ATP8A1: variants seen among roughly 807,000 people sequenced by gnomAD.
ATP8A1 encodes the protein phospholipid-transporting ATPase IA.
ATP8A1 carries 90 observed loss-of-function variants against 177.7 expected under a neutral mutation model. That is an observed-to-expected ratio of 0.51 (90% CI 0.43 to 0.60). ATP8A1 has a LOEUF of 0.60. Ranked by LOEUF, ATP8A1 falls within the 20% of genes least tolerant of loss-of-function variation. The pLI, the probability that ATP8A1 is intolerant of heterozygous loss-of-function variation, is 0.00. For synonymous variants in ATP8A1, 493 were observed against 485.9 expected (o/e 1.01, Z -0.19); for missense variants, 1,072 against 1,392.8 (o/e 0.77, Z 3.67).
chr4:42,462,811 G>A (rs889740743), intron 27 of ATP8A1, among the ~76,000 whole-genome samples: 9 of 152,184 alleles, frequency 5.9e-5, no homozygotes, highest in Non-Finnish European at 8.8e-5. Flanking sequence ...GTAAAGCCAC[G>A]GGGCAGAGCG....
chr4:42,574,828 A>AT, intron 13 of ATP8A1, 121 bp from the exon 14 acceptor site: 1 of 633,608 alleles, frequency 1.6e-6, no homozygotes, highest in Non-Finnish European at 2.7e-6. Context: ...CTAAGGAACT[A>AT]TTTTCTGCCC....
chr4:42,517,358 A>G (rs1476411885), intron 22 of ATP8A1, among the ~76,000 whole-genome samples: 1 of 152,122 alleles, frequency 6.6e-6, no homozygotes, highest in African/African-American at 2.4e-5. Flanking sequence ...TGGTTTCCCA[A>G]TCTAAAATTA....
At chr4:42,433,692 C>G (rs1031449092) in intron 33 of ATP8A1, among the ~76,000 whole-genome samples, 2 of 152,054 alleles carry the variant, frequency 1.3e-5, no homozygotes, top group African/African-American at 4.8e-5. Context: ...AAATTAGATA[C>G]CAGCTCACAG....
intron 4 of ATP8A1, among the ~76,000 whole-genome samples, chr4:42,623,211 T>C (rs1737677296): frequency 6.6e-6 from 1 of 151,938 alleles, no homozygotes; most frequent in Admixed American, 6.6e-5. Flanking sequence ...GCTGGCAAGG[T>C]TGTAGAGAAA....
At chr4:42,479,936 T>G (rs1415997139) in intron 25 of ATP8A1, among the ~76,000 whole-genome samples, 1 of 151,632 alleles carries the variant, frequency 6.6e-6, no homozygotes, top group African/African-American at 2.4e-5. Flanking sequence ...CATTTATACT[T>G]TATGTACTCT....
At chr4:42,503,373 C>A in intron 24 of ATP8A1, 77 bp downstream of exon 24, 1 of 843,304 alleles carries the variant, frequency 1.2e-6, no homozygotes, top group South Asian at 1.8e-5. Context: ...AAAATATTTC[C>A]ATAGCTATCT....
At chr4:42,473,623 GT>G (rs146047347) in intron 25 of ATP8A1, among the ~76,000 whole-genome samples, 1 of 151,230 alleles carries the variant, frequency 6.6e-6, no homozygotes, top group African/African-American at 2.4e-5. Flanking sequence ...AAGGGATAAA[GT>G]TTTTTTATTT....
intron 24 of ATP8A1, among the ~76,000 whole-genome samples, chr4:42,498,317 AG>A (rs755512355): frequency 8.5e-5 from 13 of 152,246 alleles, no homozygotes; most frequent in Non-Finnish European, 1.3e-4. Context: ...TGAGCTTAAA[AG>A]GGTACAGATG....
At chr4:42,565,740 A>G (rs1258858632) in intron 15 of ATP8A1, among the ~76,000 whole-genome samples, 1 of 152,244 alleles carries the variant, frequency 6.6e-6, no homozygotes, top group African/African-American at 2.4e-5. Context: ...AAGCAGGTGG[A>G]TCAGTACATC....
At chr4:42,575,504 T>A in intron 13 of ATP8A1, 118 bp downstream of exon 13, 1 of 772,794 alleles carries the variant, frequency 1.3e-6, no homozygotes, top group East Asian at 2.6e-5. Flanking sequence ...ACAAATATAT[T>A]ATTCAAATAG....
intron 15 of ATP8A1, among the ~76,000 whole-genome samples, chr4:42,558,927 C>T (rs1026600632): frequency 7.2e-5 from 11 of 152,236 alleles, no homozygotes; most frequent in African/African-American, 2.7e-4. Context: ...GTAATCCCAG[C>T]ACTTTCGGGA....
intron 25 of ATP8A1, among the ~76,000 whole-genome samples, chr4:42,483,941 A>G (rs1315577527): frequency 1.3e-5 from 2 of 152,220 alleles, no homozygotes; most frequent in African/African-American, 4.8e-5. Context: ...AGATGACTCT[A>G]GGGAACTGGC....
chr4:42,555,866 G>T, intron 16 of ATP8A1, 102 bp downstream of exon 16: 1 of 736,956 alleles, frequency 1.4e-6, no homozygotes, highest in Non-Finnish European at 2.1e-6. Context: ...AAAAGATCAT[G>T]AAAGTAAAAA....
chr4:42,503,532 G>T lies in ATP8A1; in HGVS notation c.2087-18C>A. ...GGAGTGTCCTGTATCCAAACACAGA[G>T]TATATTAAAATTAATTTCTCCAGAG... On this transcript the variant is annotated intron_variant, in intron 23 of 36. Transcript: ENST00000381668. 1 of 1,524,686 alleles carries T rather than the reference G, an allele frequency of 6.6e-7. No homozygotes were observed. The highest frequency in any genetic ancestry group is 9.0e-7 in the Non-Finnish European group (1 of 1,112,366). The allele number at this position is 1,524,686 out of a possible 1,614,324, so 94.4% of individuals were successfully genotyped here. A position where few individuals can be genotyped will look rare whatever the true frequency, so the allele number is the denominator to read the frequency against.
intron 27 of ATP8A1, among the ~76,000 whole-genome samples, chr4:42,458,741 T>A (rs12506526): frequency 0.15 from 23,384 of 152,268 alleles, 2,227 homozygotes; most frequent in South Asian, 0.24. Flanking sequence ...TTTATTAGCA[T>A]AGAAATTTCA....
intron 16 of ATP8A1, among the ~76,000 whole-genome samples, chr4:42,554,216 CCA>C (rs780703990): frequency 6.6e-6 from 1 of 152,152 alleles, no homozygotes; most frequent in Non-Finnish European, 1.5e-5. Context: ...CCACAGGAAT[CCA>C]CAGAGTGGGT....
At chr4:42,595,832 C>T (rs2109384154) in intron 6 of ATP8A1, among the ~76,000 whole-genome samples, 1 of 152,324 alleles carries the variant, frequency 6.6e-6, no homozygotes, top group East Asian at 1.9e-4. Flanking sequence ...ATTGATTGTG[C>T]TGCTTTCCAA....
At chr4:42,442,735 A>T (rs1161579005) in intron 33 of ATP8A1, among the ~76,000 whole-genome samples, 1 of 152,228 alleles carries the variant, frequency 6.6e-6, no homozygotes, top group East Asian at 1.9e-4. Context: ...GTACTCAGGC[A>T]GTACTTAGGG....
chr4:42,639,108 G>T (rs1739675242), intron 1 of ATP8A1, among the ~76,000 whole-genome samples: 1 of 152,192 alleles, frequency 6.6e-6, no homozygotes, highest in Non-Finnish European at 1.5e-5. Flanking sequence ...CCCACATGCT[G>T]AGTAATTGTG....
Sources: gnomAD v4.1 joint callset for allele counts (sites outside exome capture counted in the v4.1 genomes callset) on GRCh38, gnomAD v4.1.1 for gene constraint, MANE v1.5 for transcripts, NCBI Gene and HGNC (gene_info 2026-07-23, HGNC 2026-07-21) for gene names.